Variants in EP400 observed in about 807,000 individuals in gnomAD.
EP400 encodes the protein E1A binding protein p400.
Under a neutral mutation model 354.1 loss-of-function variants are expected in EP400, and 105 were observed. That is an observed-to-expected ratio of 0.30 (90% CI 0.25 to 0.35). The LOEUF (loss-of-function observed/expected upper bound fraction) is 0.35. Among genes scored for constraint, EP400 ranks in the 10% least tolerant of loss-of-function variants. The pLI, the probability that EP400 is intolerant of heterozygous loss-of-function variation, is 1.00. For synonymous variants in EP400, 1,646 were observed against 1,716.9 expected (o/e 0.96, Z 1.02); for missense variants, 3,280 against 4,121.0 (o/e 0.80, Z 5.59).
In EP400 at chr12:132,066,856, A is replaced by G; in HGVS notation, c.8636A>G (p.Lys2879Arg). The G allele has an allele frequency of 6.2e-7, 1 of 1,613,974 alleles. No individual in the cohort carries two copies. The highest frequency in any genetic ancestry group is 8.5e-7 in the Non-Finnish European group (1 of 1,179,966). Residue 2879 changes from lysine to arginine, a missense_variant, in exon 49 of 53, where the codon AAG becomes AGG. Lys to Arg is a conservative substitution (Grantham distance 26). Coordinates refer to ENST00000389561, the MANE Select transcript of EP400 (RefSeq NM_015409.5). The part of the protein sequence containing the change: ...APQPAQVALA[K>R]PPVVSVPAAV... Reference sequence around the variant, plus strand: ...CAGCCAGCCCAGGTGGCCTTGGCGAAGCCTCCGGTGGTGTCCGTCCCGGCA... The same window carrying G: ...CAGCCAGCCCAGGTGGCCTTGGCGAGGCCTCCGGTGGTGTCCGTCCCGGCA...
chr12:131,964,898 A>G (rs1425332353), intron 2 of EP400, among the ~76,000 whole-genome samples: 1 of 152,180 alleles, frequency 6.6e-6, no homozygotes, highest in African/African-American at 2.4e-5. Flanking sequence ...GATGTCCTTC[A>G]TAGTGTTTCT....
intron 45 of EP400, among the ~76,000 whole-genome samples, chr12:132,060,511 C>T (rs1200377179): frequency 1.3e-5 from 2 of 152,184 alleles, no homozygotes; most frequent in African/African-American, 4.8e-5. Context: ...AGAGGTGGAG[C>T]GGCTCACTTG....
intron 2 of EP400, among the ~76,000 whole-genome samples, chr12:131,969,512 T>G (rs1323960719): frequency 6.6e-6 from 1 of 152,176 alleles, no homozygotes; most frequent in East Asian, 1.9e-4. Context: ...AGGTTATCTG[T>G]GATTGGCCAA....
intron 15 of EP400, among the ~76,000 whole-genome samples, 199 bp downstream of exon 15, chr12:132,007,076 A>G (rs1424671759): frequency 1.3e-5 from 2 of 152,200 alleles, no homozygotes; most frequent in African/African-American, 4.8e-5. Flanking sequence ...TCCAGTAACA[A>G]TTAGTGAAAA....
intron 27 of EP400, 22 bp downstream of exon 27, chr12:132,028,310 T>C: frequency 6.2e-7 from 1 of 1,604,166 alleles, no homozygotes; most frequent in Admixed American, 1.7e-5. Flanking sequence ...CTCGTGACCT[T>C]TTCGGTGCTC....
At chr12:131,993,514 A>C (rs1566177420) in intron 11 of EP400, among the ~76,000 whole-genome samples, 1 of 152,186 alleles carries the variant, frequency 6.6e-6, no homozygotes. Flanking sequence ...GGTCGGCTTT[A>C]TGTAGATTGA....
chr12:131,982,366 C>T lies in EP400; in HGVS notation c.1817C>T (p.Pro606Leu), dbSNP rs112441390. ...CAGCCCAATGTTCCCATCCCTGCAC[C>T]GCCCAGCAGCCAACTCCCCATCCCT... is the stretch of plus-strand genomic sequence containing the variant. ...TQQPNVPIPA[P>L]PSSQLPIPPS... The change falls in exon 5 of 53, where the codon CCG (proline) becomes CTG (leucine). Residue 606 changes from proline (P) to leucine (L), a missense_variant. By Grantham distance (98) the Pro-to-Leu change is moderately conservative. Transcript: ENST00000389561. 188 of 1,614,178 alleles carry T rather than the reference C, an allele frequency of 1.2e-4. No individual in the cohort carries two copies. Among genetic ancestry groups the T allele is most frequent in the Non-Finnish European group, 1.3e-4 (158 of 1,180,026 alleles).
At chr12:132,022,162 A>G (rs997376836) in intron 23 of EP400, among the ~76,000 whole-genome samples, 2 of 152,216 alleles carry the variant, frequency 1.3e-5, no homozygotes, top group Admixed American at 6.5e-5. Flanking sequence ...TAAGTGCCCT[A>G]AGGGAGAAAG....
chr12:132,076,188 G>A (rs1329973620), intron 51 of EP400: 1 of 406,830 alleles, frequency 2.5e-6, no homozygotes, highest in Admixed American at 3.4e-5. Flanking sequence ...CTCACAAGAC[G>A]CTCAAATACT....
chr12:132,065,846 G>A (rs552954007), intron 48 of EP400: 3 of 152,352 alleles, frequency 2.0e-5, no homozygotes, highest in Non-Finnish European at 2.9e-5. Context: ...CCAGGGTACC[G>A]GGTTCTTGTT....
chr12:131,973,770 T>C (rs1486669078), intron 2 of EP400, among the ~76,000 whole-genome samples: 3 of 152,206 alleles, frequency 2.0e-5, no homozygotes, highest in Admixed American at 2.0e-4. Flanking sequence ...ATTGCGTGTA[T>C]TTCTCTTTGT....
intron 12 of EP400, among the ~76,000 whole-genome samples, chr12:132,001,295 G>A (rs1375327959): frequency 6.6e-6 from 1 of 152,222 alleles, no homozygotes; most frequent in Non-Finnish European, 1.5e-5. Context: ...GTAGGGTCAC[G>A]TGGGTTACGT....
Position 131,955,892 on chromosome 12 carries a change from C to T in EP400, c.-35-4693C>T, listed in dbSNP as rs182003288. 3.3e-3 allele frequency among the ~76,000 whole-genome samples: 503 copies of T among 152,230 alleles called. 14 individuals carry two copies. Among genetic ancestry groups the T allele is most frequent in the Admixed American group, 0.028 (424 of 15,276 alleles). ...AACTCCTGACCTCAGGTGATCCGCC[C>T]GCCTCGGCCTCCCAAAGTGCTGGGA... On this transcript the variant is annotated intron_variant, in intron 1 of 52. Coordinates refer to ENST00000389561, the MANE Select transcript of EP400 (RefSeq NM_015409.5).
rs1158869948 is a variant in EP400, at chr12:132,062,539, G to GCAGCAA, written c.8175_8180dup (p.Gln2747_Gln2748dup). On this transcript the variant is annotated inframe_insertion, in exon 47 of 53. Transcript: ENST00000389561. Reference sequence around the variant, plus strand: ...AGCTTCTCAGGCAGCAGCAGCAGCAGCAGCAACAACAGCAGCAGCAGCAGC... The same window carrying GCAGCAA: ...AGCTTCTCAGGCAGCAGCAGCAGCAGCAGCAACAGCAACAACAGCAGCAGCAGCAGC... 3.8e-6 allele frequency: 6 copies of GCAGCAA among 1,592,468 alleles called. No homozygotes were observed. Among genetic ancestry groups the GCAGCAA allele is most frequent in the Non-Finnish European group, 5.1e-6 (6 of 1,165,736 alleles).
Position 132,067,201 on chromosome 12 carries a change from A to G in EP400, c.8750-161A>G. ...GTCTTAATTTAAGTGTAATTTGTGA[A>G]CCCAGAAACATTTTAATGTAGTTAA... On this transcript the variant is annotated intron_variant, in intron 49 of 52. Transcript: ENST00000389561. The surrounding 1 kb of genome is among the most constrained non-coding windows in gnomAD (Gnocchi z 5.3). The G allele has an allele frequency of 8.2e-7, 1 of 1,222,326 alleles. No homozygotes were observed. Among genetic ancestry groups the G allele is most frequent in the Non-Finnish European group, 1.1e-6 (1 of 880,728 alleles). The allele number at this position is 1,222,326 out of a possible 1,614,324, so 75.7% of individuals were successfully genotyped here.
At position 131,981,636 on chromosome 12, in the gene EP400, A is replaced by AG. The variant is rs1157523974; in HGVS notation, c.1543+42dup. Reference sequence around the variant, plus strand: ...CAGAGCCAGCTCCCCGCTCAGGAGCAGGCAGCACACTGCGGTTCCAGAAAC... The same window carrying AG: ...CAGAGCCAGCTCCCCGCTCAGGAGCAGGGCAGCACACTGCGGTTCCAGAAAC... On this transcript the variant is annotated intron_variant, in intron 4 of 52. Coordinates refer to ENST00000389561, the MANE Select transcript of EP400 (RefSeq NM_015409.5). 2.0e-6 allele frequency: 3 copies of AG among 1,529,660 alleles called. No homozygotes were observed. The African/African-American group carries it at 4.1e-5, about 21-fold the overall frequency. The allele number at this position is 1,529,660 out of a possible 1,614,324, so 94.8% of individuals were successfully genotyped here. A position where few individuals can be genotyped will look rare whatever the true frequency, so the allele number is the denominator to read the frequency against.
chr12:132,018,079 T>C lies in EP400; in HGVS notation c.4111-131T>C. 1 of 1,120,488 alleles carries C rather than the reference T, an allele frequency of 8.9e-7. No homozygotes were observed. The highest frequency in any genetic ancestry group is 1.3e-6 in the Non-Finnish European group (1 of 781,018). The allele number at this position is 1,120,488 out of a possible 1,614,324, so 69.4% of individuals were successfully genotyped here. A position where few individuals can be genotyped will look rare whatever the true frequency, so the allele number is the denominator to read the frequency against. On this transcript the variant is annotated intron_variant, in intron 20 of 52. Coordinates refer to ENST00000389561, the MANE Select transcript of EP400 (RefSeq NM_015409.5). This position sits in a 1 kb window ranked among gnomAD's most constrained non-coding sequence, Gnocchi z 4.0. ...TGTATTGGCACGGAGGAGGGTCTGCTTGCCGAGTGGCCGTTAGAGGGGGCG... is the reference window on the plus strand; with the variant it reads ...TGTATTGGCACGGAGGAGGGTCTGCCTGCCGAGTGGCCGTTAGAGGGGGCG...
chr12:132,077,149 T>A (rs1228944568), intron 52 of EP400, among the ~76,000 whole-genome samples: 1 of 152,196 alleles, frequency 6.6e-6, no homozygotes, highest in East Asian at 1.9e-4. Context: ...ACAAAATCAG[T>A]CCCTGACCCA....
In EP400 at chr12:132,037,701, A is replaced by G. The variant is rs1894763841; in HGVS notation, c.5971A>G (p.Ile1991Val). 1 of 1,614,194 alleles carries G rather than the reference A, an allele frequency of 6.2e-7. No homozygotes were observed. The highest frequency in any genetic ancestry group is 8.5e-7 in the Non-Finnish European group (1 of 1,180,026). ...HIYRLVSGNS[I>V]EEKLLKNGTK... ...TTGCAGGCTTGTGAGTGGCAATTCC[A>G]TTGAAGAGAAATTGTTGAAAAATGG... Residue 1991 changes from isoleucine (I) to valine (V), a missense_variant, in exon 31 of 53, where the codon ATT becomes GTT. Ile to Val is a conservative substitution (Grantham distance 29). Coordinates refer to ENST00000389561, the MANE Select transcript of EP400 (RefSeq NM_015409.5).
Sources: gnomAD v4.1 joint callset for allele counts (sites outside exome capture counted in the v4.1 genomes callset) on GRCh38, gnomAD v4.1.1 for gene constraint, Gnocchi (gnomAD v3.1) non-coding constraint, MANE v1.5 for transcripts, NCBI Gene and HGNC (gene_info 2026-07-23, HGNC 2026-07-21) for gene names.